Variants in LOC128462377 observed in about 807,000 individuals in gnomAD.
the LOC128462377 span, among the ~76,000 whole-genome samples, chr16:89,372,323 G>A: frequency 4.6e-5 from 7 of 152,310 alleles, no homozygotes; most frequent in Admixed American, 2.6e-4. Flanking sequence ...GCCCAGCGAC[G>A]GATGCGGCCA....
At chr16:89,331,541 T>C in the LOC128462377 span, among the ~76,000 whole-genome samples, 1 of 152,204 alleles carries the variant, frequency 6.6e-6, no homozygotes, top group African/African-American at 2.4e-5. Flanking sequence ...ATGGCACATT[T>C]AGGAAAGAGC....
chr16:89,375,427 T>C, the LOC128462377 span, among the ~76,000 whole-genome samples: 11 of 151,256 alleles, frequency 7.3e-5, no homozygotes, highest in Non-Finnish European at 1.2e-4. Flanking sequence ...GACAAGCCGC[T>C]GCGCTCCCGC....
At chr16:89,374,887 C>A in the LOC128462377 span, among the ~76,000 whole-genome samples, 7 of 152,070 alleles carry the variant, frequency 4.6e-5, no homozygotes, top group African/African-American at 1.2e-4. Context: ...AGATTTGTGA[C>A]CATTTGGAAA....
the LOC128462377 span, among the ~76,000 whole-genome samples, chr16:89,350,020 G>A: frequency 6.6e-6 from 1 of 152,060 alleles, no homozygotes; most frequent in Non-Finnish European, 1.5e-5. Context: ...TGGCAGATAT[G>A]AAAGTGAAGA....
chr16:89,396,787 C>T, the LOC128462377 span, among the ~76,000 whole-genome samples: 8 of 152,128 alleles, frequency 5.3e-5, no homozygotes, highest in African/African-American at 1.4e-4. Flanking sequence ...CCCAGGTTCA[C>T]GCCGTTCTCC....
chr16:89,319,439 G>C, the LOC128462377 span, among the ~76,000 whole-genome samples: 1 of 152,212 alleles, frequency 6.6e-6, no homozygotes, highest in Non-Finnish European at 1.5e-5. Context: ...AACACTCCGG[G>C]GACTCGGGAG....
the LOC128462377 span, among the ~76,000 whole-genome samples, chr16:89,350,583 T>C: frequency 6.6e-6 from 1 of 152,158 alleles, no homozygotes; most frequent in African/African-American, 2.4e-5. Flanking sequence ...TATTAAATTC[T>C]AGTAAAGCAA....
chr16:89,409,746 C>T, the LOC128462377 span, among the ~76,000 whole-genome samples: 1 of 152,182 alleles, frequency 6.6e-6, no homozygotes, highest in Non-Finnish European at 1.5e-5. Flanking sequence ...GCCAAAATAT[C>T]CTGGCATTTT....
chr16:89,350,739 C>G, the LOC128462377 span, among the ~76,000 whole-genome samples: 1 of 152,140 alleles, frequency 6.6e-6, no homozygotes, highest in African/African-American at 2.4e-5. Flanking sequence ...AAGACAGTTC[C>G]AACTGATTCC....
the LOC128462377 span, among the ~76,000 whole-genome samples, chr16:89,386,048 G>T: frequency 2.6e-5 from 4 of 152,214 alleles, no homozygotes; most frequent in African/African-American, 7.2e-5. Context: ...CCCGCAAACT[G>T]GGTCCAATTT....
the LOC128462377 span, among the ~76,000 whole-genome samples, chr16:89,371,612 C>G: frequency 3.9e-5 from 6 of 152,168 alleles, no homozygotes; most frequent in African/African-American, 1.4e-4. Flanking sequence ...GGGTGCTGTG[C>G]ACTCCCTGCC....
chr16:89,334,606 T>C, the LOC128462377 span, among the ~76,000 whole-genome samples: 1 of 152,046 alleles, frequency 6.6e-6, no homozygotes, highest in African/African-American at 2.4e-5. Flanking sequence ...GGCCAGACCC[T>C]GACCCAGAGC....
At chr16:89,386,300 T>C in the LOC128462377 span, among the ~76,000 whole-genome samples, 1 of 152,144 alleles carries the variant, frequency 6.6e-6, no homozygotes, top group Non-Finnish European at 1.5e-5. Flanking sequence ...GCTTGATTAT[T>C]AAGACAGACA....
At chr16:89,336,771 T>C in the LOC128462377 span, among the ~76,000 whole-genome samples, 2 of 152,116 alleles carry the variant, frequency 1.3e-5, no homozygotes, top group Non-Finnish European at 2.9e-5. Flanking sequence ...ACATGAGAGA[T>C]GATAAAAGGG....
the LOC128462377 span, among the ~76,000 whole-genome samples, chr16:89,343,297 C>A: frequency 1.3e-5 from 2 of 152,112 alleles, no homozygotes; most frequent in East Asian, 1.9e-4. Context: ...TGGGCCTGAG[C>A]GCATTTTTTA....
chr16:89,381,354 A>AAAAGG, the LOC128462377 span, among the ~76,000 whole-genome samples: 1 of 125,346 alleles, frequency 8.0e-6, no homozygotes, highest in African/African-American at 3.3e-5. Flanking sequence ...AAAAAAAAAA[A>AAAAGG]GGGGTGAGAA....
chr16:89,392,698 T>G, the LOC128462377 span: 1 of 148,894 alleles, frequency 6.7e-6, no homozygotes, highest in African/African-American at 2.5e-5. Context: ...GCAGACCCAA[T>G]CAACATGGTT....
chr16:89,413,481 C>T, the LOC128462377 span, among the ~76,000 whole-genome samples: 213 of 152,150 alleles, frequency 1.4e-3, no homozygotes, highest in Admixed American at 4.9e-3. Flanking sequence ...AAAAATTAGC[C>T]GGGCGTGGTG....
the LOC128462377 span, among the ~76,000 whole-genome samples, chr16:89,354,632 A>G: frequency 1.3e-5 from 2 of 152,222 alleles, no homozygotes; most frequent in Non-Finnish European, 2.9e-5. Context: ...TTGTAATCCC[A>G]GCACTTTGGG....
Sources: gnomAD v4.1 joint callset for allele counts (sites outside exome capture counted in the v4.1 genomes callset) on GRCh38, gnomAD v4.1.1 for gene constraint, MANE v1.5 for transcripts.